Variants in DYNC1I1 observed in about 807,000 individuals in gnomAD.
The protein encoded by DYNC1I1 is dynein cytoplasmic 1 intermediate chain 1.
A neutral mutation model predicts 86.6 loss-of-function variants in DYNC1I1; 43 were observed. The observed-to-expected ratio is 0.50, with a 90% CI of 0.39 to 0.64. The LOEUF (loss-of-function observed/expected upper bound fraction) is 0.64, where lower values mean the gene tolerates loss of function less well. Ranked by LOEUF, DYNC1I1 falls within the 30% of genes least tolerant of loss-of-function variation. The pLI, the probability that DYNC1I1 is intolerant of heterozygous loss-of-function variation, is 0.00. For synonymous variants in DYNC1I1, 262 were observed against 283.7 expected (o/e 0.92, Z 0.77); for missense variants, 604 against 788.8 (o/e 0.77, Z 2.81).
chr7:95,944,074 A>G lies in DYNC1I1; in HGVS notation c.491-33438A>G, dbSNP rs982788483. 2.0e-5 allele frequency among the ~76,000 whole-genome samples: 3 copies of G among 152,218 alleles called. No homozygotes were observed. In the East Asian group the frequency reaches 5.8e-4, roughly 29 times the overall value. ...CTGCACAGGAAAAGAAAGTACCATC[A>G]GAGTGAATAGGCAACCTACAAAATT... On this transcript the variant is annotated intron_variant, in intron 6 of 16. Coordinates refer to ENST00000447467, the MANE Select transcript of DYNC1I1 (RefSeq NM_001135556.2).
intron 1 of DYNC1I1, among the ~76,000 whole-genome samples, chr7:95,783,093 G>A (rs1036450160): frequency 5.3e-5 from 8 of 152,160 alleles, no homozygotes; most frequent in African/African-American, 1.2e-4. Context: ...ATTTAGGGCC[G>A]TTGGTTTCCA....
chr7:96,003,209 G>A (rs1428472976), intron 10 of DYNC1I1, among the ~76,000 whole-genome samples: 2 of 152,178 alleles, frequency 1.3e-5, no homozygotes, highest in South Asian at 4.1e-4. Flanking sequence ...TCCTGTTATT[G>A]TGCTTTTGCC....
At chr7:96,050,572 A>G (rs1789376635) in intron 14 of DYNC1I1, among the ~76,000 whole-genome samples, 1 of 152,098 alleles carries the variant, frequency 6.6e-6, no homozygotes, top group Non-Finnish European at 1.5e-5. Flanking sequence ...ATGATATTAC[A>G]TATTTTGGGG....
chr7:95,919,246 T>G (rs1375519744), intron 6 of DYNC1I1, among the ~76,000 whole-genome samples: 1 of 152,180 alleles, frequency 6.6e-6, no homozygotes, highest in African/African-American at 2.4e-5. Flanking sequence ...AAAAAAAAAC[T>G]AGACATAATA....
chr7:95,922,364 T>G (rs1791633494), intron 6 of DYNC1I1, among the ~76,000 whole-genome samples: 1 of 152,158 alleles, frequency 6.6e-6, no homozygotes, highest in South Asian at 2.1e-4. Flanking sequence ...AAGGACTGAT[T>G]GGTTAGCTTG....
At chr7:95,949,431 T>C (rs1414840234) in intron 6 of DYNC1I1, among the ~76,000 whole-genome samples, 3 of 152,214 alleles carry the variant, frequency 2.0e-5, no homozygotes, top group Admixed American at 6.5e-5. Flanking sequence ...GGAAACCCCA[T>C]CTTTGGGGAA....
intron 1 of DYNC1I1, among the ~76,000 whole-genome samples, chr7:95,795,784 G>A (rs942591740): frequency 7.3e-5 from 11 of 151,694 alleles, no homozygotes; most frequent in African/African-American, 2.4e-4. Context: ...ATAACTACTG[G>A]AAATTAGGCT....
chr7:95,974,654 T>C (rs1793257530), intron 6 of DYNC1I1, among the ~76,000 whole-genome samples: 1 of 152,278 alleles, frequency 6.6e-6, no homozygotes, highest in Non-Finnish European at 1.5e-5. Flanking sequence ...TAACACTTCA[T>C]ATTAAGCATT....
intron 14 of DYNC1I1, among the ~76,000 whole-genome samples, chr7:96,052,022 G>C (rs992986732): frequency 1.3e-5 from 2 of 152,116 alleles, no homozygotes; most frequent in Non-Finnish European, 2.9e-5. Context: ...TCCTTTCCCT[G>C]TAAGACTGTG....
intron 1 of DYNC1I1, among the ~76,000 whole-genome samples, chr7:95,775,216 C>T (rs1793810746): frequency 6.6e-6 from 1 of 152,176 alleles, no homozygotes; most frequent in Admixed American, 6.6e-5. Flanking sequence ...TGAATCAAGG[C>T]CTGACTCCAG....
intron 10 of DYNC1I1, among the ~76,000 whole-genome samples, chr7:96,021,991 C>T (rs991283475): frequency 1.3e-5 from 2 of 152,058 alleles, no homozygotes; most frequent in African/African-American, 4.8e-5. Context: ...TTTGTGTAGA[C>T]ATATTTTTTC....
intron 7 of DYNC1I1, among the ~76,000 whole-genome samples, chr7:95,978,264 T>C (rs917242618): frequency 2.2e-4 from 34 of 152,186 alleles, no homozygotes; most frequent in Non-Finnish European, 1.5e-5. Flanking sequence ...CAAGGATACA[T>C]AATGTACAAG....
intron 14 of DYNC1I1, among the ~76,000 whole-genome samples, chr7:96,045,880 C>T (rs1484284830): frequency 1.3e-5 from 2 of 152,076 alleles, no homozygotes; most frequent in Non-Finnish European, 2.9e-5. Flanking sequence ...TCTGAGACCC[C>T]ACTGGGAATG....
At position 95,795,365 on chromosome 7, in the gene DYNC1I1, A is replaced by G. The variant is rs147762760; in HGVS notation, c.-9-9356A>G. 3.9e-4 allele frequency among the ~76,000 whole-genome samples: 59 copies of G among 149,474 alleles called. 4 individuals carry two copies. In the East Asian group the frequency reaches 0.012, roughly 29 times the overall value. ...TATATCTGTTTCCCTATTTATGGGT[A>G]AAATGCTGGTACTGGATTATATAAT... On this transcript the variant is annotated intron_variant, in intron 1 of 16. Transcript: ENST00000447467.
At position 95,958,789 on chromosome 7, in the gene DYNC1I1, C is replaced by G. The variant is rs547545495; in HGVS notation, c.491-18723C>G. Among the ~76,000 whole-genome samples the G allele has an allele frequency of 7.0e-4, 106 of 152,112 alleles. 4 individuals carry two copies. In the South Asian group the frequency reaches 0.022, roughly 31 times the overall value. On this transcript the variant is annotated intron_variant, in intron 6 of 16. Coordinates refer to ENST00000447467, the MANE Select transcript of DYNC1I1 (RefSeq NM_001135556.2). ...ACAAAAAGTTGACATTGATTCTGTCCCAAAATATGCCTTAATGAACTTGTC... is the reference window on the plus strand; with the variant it reads ...ACAAAAAGTTGACATTGATTCTGTCGCAAAATATGCCTTAATGAACTTGTC...
In DYNC1I1 at chr7:96,048,148, A is replaced by T. The variant is rs1286167900; in HGVS notation, c.1509+8727A>T. ...TAGACCAGGTCCTGTAAGAGATGGG[A>T]CAGGGCCCTGAACTGCATAGATTTG... On this transcript the variant is annotated intron_variant, in intron 14 of 16. Coordinates refer to ENST00000447467, the MANE Select transcript of DYNC1I1 (RefSeq NM_001135556.2). 2.0e-5 allele frequency among the ~76,000 whole-genome samples: 3 copies of T among 152,144 alleles called. No individual in the cohort carries two copies. In the East Asian group the frequency reaches 5.8e-4, roughly 29 times the overall value.
chr7:95,825,782 C>T (rs1795190838), intron 4 of DYNC1I1, among the ~76,000 whole-genome samples: 1 of 152,174 alleles, frequency 6.6e-6, no homozygotes, highest in Non-Finnish European at 1.5e-5. Context: ...ATTTGAGCTT[C>T]AGTGATGCTT....
At chr7:96,082,242 G>A (rs1404610576) in intron 16 of DYNC1I1, among the ~76,000 whole-genome samples, 5 of 151,058 alleles carry the variant, frequency 3.3e-5, no homozygotes, top group Non-Finnish European at 7.4e-5. Context: ...TTCTTTATTG[G>A]TCACTTCCTA....
intron 1 of DYNC1I1, chr7:95,802,886 C>T (rs1013263454): frequency 6.6e-6 from 1 of 152,164 alleles, no homozygotes; most frequent in Non-Finnish European, 1.5e-5. Flanking sequence ...CCCTCTTTGA[C>T]AGGTCTTCAC....
Sources: gnomAD v4.1 joint callset for allele counts (sites outside exome capture counted in the v4.1 genomes callset) on GRCh38, gnomAD v4.1.1 for gene constraint, MANE v1.5 for transcripts, NCBI Gene and HGNC (gene_info 2026-07-23, HGNC 2026-07-21) for gene names.